Variants in CNTN6 observed in about 807,000 individuals in gnomAD.
CNTN6 encodes the protein contactin 6, also known as contactin-6.
CNTN6 carries 137 observed loss-of-function variants against 122.8 expected under a neutral mutation model. That is an observed-to-expected ratio of 1.12 (90% CI 0.97 to 1.29). The LOEUF is 1.29. Among genes scored for constraint, CNTN6 ranks in the 50% most tolerant of loss-of-function variants. The pLI is 0.00. For missense variants in CNTN6, 1,634 were observed against 1,223.4 expected (o/e 1.34, Z -5.01); for synonymous variants, 570 against 426.0 (o/e 1.34, Z -4.16).
chr3:1,209,447 C>A (rs2094002590), intron 2 of CNTN6, among the ~76,000 whole-genome samples: 1 of 152,170 alleles, frequency 6.6e-6, no homozygotes, highest in Non-Finnish European at 1.5e-5. Flanking sequence ...TAAGAGGCCA[C>A]TGAGTGTCCA....
At chr3:1,306,608 G>T (rs1407269160) in intron 7 of CNTN6, among the ~76,000 whole-genome samples, 1 of 151,836 alleles carries the variant, frequency 6.6e-6, no homozygotes, top group Non-Finnish European at 1.5e-5. Flanking sequence ...GATGACTTTG[G>T]TCAGTTTTCT....
chr3:1,222,169 C>T (rs2094215851), intron 3 of CNTN6, among the ~76,000 whole-genome samples: 2 of 152,168 alleles, frequency 1.3e-5, no homozygotes, highest in Non-Finnish European at 2.9e-5. Flanking sequence ...TTATCATACC[C>T]AAACCAGTGA....
chr3:1,316,367 G>A (rs997037608), intron 7 of CNTN6, among the ~76,000 whole-genome samples: 4 of 151,876 alleles, frequency 2.6e-5, no homozygotes, highest in African/African-American at 9.7e-5. Context: ...AAGTGAAGGG[G>A]AAGCAGGCAT....
intron 4 of CNTN6, among the ~76,000 whole-genome samples, chr3:1,250,931 C>T (rs994179971): frequency 2.5e-5 from 2 of 80,458 alleles, no homozygotes; most frequent in Admixed American, 1.4e-4. Flanking sequence ...GATGATCCCT[C>T]CTCCCTCATA....
intron 1 of CNTN6, among the ~76,000 whole-genome samples, chr3:1,134,306 A>C (rs28615367): frequency 6.6e-6 from 1 of 152,122 alleles, no homozygotes; most frequent in Non-Finnish European, 1.5e-5. Flanking sequence ...CCATTTACTC[A>C]ACTAATGTTG....
At chr3:1,305,511 T>A (rs1447659999) in intron 7 of CNTN6, among the ~76,000 whole-genome samples, 2 of 152,182 alleles carry the variant, frequency 1.3e-5, no homozygotes, top group East Asian at 3.9e-4. Flanking sequence ...CCTGAGAAGC[T>A]CCTTGTATAG....
intron 11 of CNTN6, among the ~76,000 whole-genome samples, chr3:1,341,652 C>G (rs796871599): frequency 6.6e-6 from 1 of 152,070 alleles, no homozygotes; most frequent in East Asian, 1.9e-4. Context: ...GTTTGTGTTG[C>G]GTCAGCCACT....
intron 3 of CNTN6, among the ~76,000 whole-genome samples, chr3:1,221,028 T>A (rs1159342247): frequency 1.3e-5 from 2 of 152,122 alleles, no homozygotes; most frequent in South Asian, 4.1e-4. Context: ...CAGGCAATAA[T>A]TAACCCCCTA....
At chr3:1,372,503 A>G in intron 13 of CNTN6, 29 bp downstream of exon 13, 2 of 1,543,854 alleles carry the variant, frequency 1.3e-6, no homozygotes, top group South Asian at 2.4e-5. Flanking sequence ...TAAGTGCTTA[A>G]TAAAATGAAT....
chr3:1,364,191 G>C (rs9985457), intron 12 of CNTN6, among the ~76,000 whole-genome samples: 1 of 151,778 alleles, frequency 6.6e-6, no homozygotes, highest in Non-Finnish European at 1.5e-5. Context: ...GAATTCATTA[G>C]AAAAAAGACC....
intron 2 of CNTN6, among the ~76,000 whole-genome samples, chr3:1,207,829 C>T (rs762440679): frequency 1.3e-5 from 2 of 152,012 alleles, no homozygotes; most frequent in Non-Finnish European, 2.9e-5. Flanking sequence ...TCTCCTCTCT[C>T]ATCTTCTTTC....
rs1559429428 is a variant in CNTN6 at position 1,161,803 on chromosome 3, A to AC, written c.55+13740_55+13741insC. ...ACACACACACACACACACACACACA[A>AC]ACATATATATGTTCTGTACATGTAT... On this transcript the variant is annotated intron_variant, in intron 2 of 22. Transcript: ENST00000446702. Among the ~76,000 whole-genome samples, 534 of 143,350 alleles carry AC rather than the reference A, an allele frequency of 3.7e-3. 2 individuals are homozygous for AC. The highest frequency in any genetic ancestry group is 0.013 in the African/African-American group (499 of 37,354). The allele number at this position is 143,350 out of a possible 152,430, so 94.0% of individuals were successfully genotyped here.
At chr3:1,143,765 G>A (rs1299954334) in intron 1 of CNTN6, among the ~76,000 whole-genome samples, 1 of 152,160 alleles carries the variant, frequency 6.6e-6, no homozygotes, top group African/African-American at 2.4e-5. Flanking sequence ...CATCTTTCGG[G>A]CTTTGGCCTC....
chr3:1,223,259 T>C (rs184962850), intron 3 of CNTN6, among the ~76,000 whole-genome samples: 2 of 152,188 alleles, frequency 1.3e-5, no homozygotes, highest in South Asian at 2.1e-4. Context: ...CACAGCTCTA[T>C]CAATCCATTG....
At chr3:1,214,603 CCCGGCTCAGATG>C (rs2094103773) in intron 2 of CNTN6, among the ~76,000 whole-genome samples, 1 of 152,118 alleles carries the variant, frequency 6.6e-6, no homozygotes, top group Admixed American at 6.6e-5. Flanking sequence ...AGCCACTGTG[CCCGGCTCAGATG>C]CCATTATATT....
intron 7 of CNTN6, among the ~76,000 whole-genome samples, chr3:1,298,723 G>A (rs1696705649): frequency 6.6e-6 from 1 of 152,134 alleles, no homozygotes; most frequent in Non-Finnish European, 1.5e-5. Flanking sequence ...TGAGTTACCT[G>A]GGGACATGGT....
intron 7 of CNTN6, among the ~76,000 whole-genome samples, chr3:1,318,945 T>A (rs928517640): frequency 6.6e-6 from 1 of 151,784 alleles, no homozygotes; most frequent in African/African-American, 2.4e-5. Flanking sequence ...AGTCCAGCAC[T>A]GACATTTTCT....
intron 1 of CNTN6, among the ~76,000 whole-genome samples, chr3:1,098,252 TA>T (rs767050378): frequency 7.1e-6 from 1 of 139,982 alleles, no homozygotes. Flanking sequence ...AATAATAAAA[TA>T]AAAATAAAAA....
In CNTN6 at chr3:1,102,595, G is replaced by GTT. The variant is rs552913572; in HGVS notation, c.-83+9475_-83+9476insTT. 2.4e-3 allele frequency among the ~76,000 whole-genome samples: 346 copies of GTT among 147,068 alleles called. 16 individuals carry two copies. Among genetic ancestry groups the GTT allele is most frequent in the South Asian group, 0.016 (74 of 4,680 alleles). ...AATACAAAAATGAGCCGGGCGTGGTGGCGGCGCCTGTAGTCCCAGCTACTC... is the reference window on the plus strand; with the variant it reads ...AATACAAAAATGAGCCGGGCGTGGTGTTGCGGCGCCTGTAGTCCCAGCTACTC... On this transcript the variant is annotated intron_variant, in intron 1 of 22. Transcript: ENST00000446702.
Sources: gnomAD v4.1 joint callset for allele counts (sites outside exome capture counted in the v4.1 genomes callset) on GRCh38, gnomAD v4.1.1 for gene constraint, MANE v1.5 for transcripts, NCBI Gene and HGNC (gene_info 2026-07-23, HGNC 2026-07-21) for gene names.